SMC4: variants seen among roughly 807,000 people sequenced by gnomAD.
SMC4 encodes the protein structural maintenance of chromosomes 4.
In SMC4, 87 loss-of-function variants were observed where a neutral mutation model predicts 145.6. That is an observed-to-expected ratio of 0.60 (90% CI 0.50 to 0.71). The LOEUF (loss-of-function observed/expected upper bound fraction) is 0.71. Among genes scored for constraint, SMC4 ranks in the 30% least tolerant of loss-of-function variants. SMC4 has a pLI of 0.00. For synonymous variants in SMC4, 558 were observed against 500.7 expected, an observed-to-expected ratio of 1.11 and a Z score of -1.53; for missense variants, 1,447 against 1,537.1, an observed-to-expected ratio of 0.94 and a Z score of 0.98.
intron 1 of SMC4, chr3:160,400,566 C>T (rs1714458723): frequency 2.3e-6 from 1 of 439,646 alleles, no homozygotes; most frequent in South Asian, 4.0e-5. Flanking sequence ...CAACAACAAA[C>T]TAAGCAGTTG....
intron 17 of SMC4, among the ~76,000 whole-genome samples, chr3:160,428,511 A>G (rs529724424): frequency 3.0e-4 from 46 of 152,334 alleles, no homozygotes; most frequent in African/African-American, 1.1e-3. Flanking sequence ...AGCTGAGAAC[A>G]TGAAGCCATT....
At chr3:160,423,894 C>T in intron 15 of SMC4, 54 bp downstream of exon 15, 2 of 1,458,124 alleles carry the variant, frequency 1.4e-6, no homozygotes, top group Admixed American at 2.0e-5. Flanking sequence ...AATAGCTTTA[C>T]CGAGGTATAT....
intron 11 of SMC4, 48 bp downstream of exon 11, chr3:160,418,004 A>G: frequency 6.8e-7 from 1 of 1,469,292 alleles, no homozygotes; most frequent in South Asian, 1.2e-5. Flanking sequence ...CGTCCACTTC[A>G]GCTTTATACA....
In SMC4 at chr3:160,399,657, A is replaced by C; in HGVS notation, c.-98A>C. ...GTTTGTATTTTAGGCGCCATTTTCG[A>C]GTGAAGGACCCGGAGCCGAAACACC... is the stretch of plus-strand genomic sequence containing the variant. On this transcript the variant is annotated 5_prime_UTR_variant, in exon 1 of 24. Coordinates refer to ENST00000357388, the MANE Select transcript of SMC4 (RefSeq NM_001002800.3). 6.6e-6 allele frequency: 1 copy of C among 152,606 alleles called. No homozygotes were observed. Among genetic ancestry groups the C allele is most frequent in the East Asian group, 1.9e-4 (1 of 5,188 alleles). 9.5% of individuals were successfully genotyped at this position (152,606 alleles called of 1,614,324 possible).
chr3:160,420,374 T>C (rs1183629214), intron 12 of SMC4, among the ~76,000 whole-genome samples: 13 of 152,228 alleles, frequency 8.5e-5, no homozygotes, highest in Admixed American at 8.5e-4. Flanking sequence ...CCCAAACCAG[T>C]GAATACTGCT....
In SMC4 at chr3:160,420,653, A is replaced by G. The variant is rs923888118; in HGVS notation, c.1858-87A>G. On this transcript the variant is annotated intron_variant, in intron 12 of 23. Coordinates refer to ENST00000357388, the MANE Select transcript of SMC4 (RefSeq NM_001002800.3). ...AACCATGTCTACATAAAGTTTTTCA[A>G]TTAAAAGAAGTTTTTAAAACTTGAT... The G allele has an allele frequency of 4.9e-6, 7 of 1,425,640 alleles. No homozygotes were observed. In the African/African-American group the frequency reaches 5.8e-5, roughly 12 times the overall value. The allele number at this position is 1,425,640 out of a possible 1,614,324, so 88.3% of individuals were successfully genotyped here.
chr3:160,426,408 C>T (rs886224906), intron 17 of SMC4, among the ~76,000 whole-genome samples: 3 of 152,078 alleles, frequency 2.0e-5, no homozygotes, highest in Non-Finnish European at 4.4e-5. Context: ...TCACACAGCA[C>T]GTGGTGGTAT....
At chr3:160,418,675 A>T (rs926787688) in intron 11 of SMC4, among the ~76,000 whole-genome samples, 6 of 152,212 alleles carry the variant, frequency 3.9e-5, no homozygotes, top group Admixed American at 6.5e-5. Flanking sequence ...TTCTTTTGGG[A>T]TGAATTATGT....
intron 13 of SMC4, among the ~76,000 whole-genome samples, chr3:160,422,387 A>G (rs996122626): frequency 6.6e-6 from 1 of 152,166 alleles, no homozygotes; most frequent in Non-Finnish European, 1.5e-5. Context: ...GATTATAGTC[A>G]TCTTAGTGAA....
At chr3:160,428,300 C>T (rs1017413257) in intron 17 of SMC4, among the ~76,000 whole-genome samples, 3 of 152,186 alleles carry the variant, frequency 2.0e-5, no homozygotes, top group South Asian at 4.2e-4. Context: ...GGAAGGAACG[C>T]TAATTCATCT....
intron 17 of SMC4, among the ~76,000 whole-genome samples, chr3:160,427,202 T>G (rs1315699695): frequency 3.3e-5 from 5 of 152,164 alleles, no homozygotes; most frequent in African/African-American, 1.2e-4. Flanking sequence ...GATAGAGCAG[T>G]AAACAAAAAT....
In SMC4 at chr3:160,433,837, A is replaced by C. The variant is rs756376849; in HGVS notation, c.*28A>C. On this transcript the variant is annotated 3_prime_UTR_variant, in exon 24 of 24. Coordinates refer to ENST00000357388, the MANE Select transcript of SMC4 (RefSeq NM_001002800.3). ...TTTATGCTGAAGATTCTTCAAGTTG[A>C]TTCAGTGTATTACTGATTTTTTTCT... 6.4e-7 allele frequency: 1 copy of C among 1,558,802 alleles called. No homozygotes were observed. The highest frequency in any genetic ancestry group is 1.8e-5 in the Admixed American group (1 of 55,018).
Position 160,416,248 on chromosome 3 carries a change from C to G in SMC4, c.1273-3C>G. On this transcript the variant is annotated splice_polypyrimidine_tract_variant and splice_region_variant and intron_variant, in intron 9 of 23. Coordinates refer to ENST00000357388, the MANE Select transcript of SMC4 (RefSeq NM_001002800.3). ...GCTCCTATAACTTGTTTTATAATCTCAGGTTGAAGAATTTAAAAGTATACC... is the reference window on the plus strand; with the variant it reads ...GCTCCTATAACTTGTTTTATAATCTGAGGTTGAAGAATTTAAAAGTATACC... 3 of 1,571,686 alleles carry G rather than the reference C, an allele frequency of 1.9e-6. No individual in the cohort carries two copies. Among genetic ancestry groups the G allele is most frequent in the Non-Finnish European group, 2.6e-6 (3 of 1,161,738 alleles).
At chr3:160,415,241 C>CT (rs1398702269) in intron 9 of SMC4, among the ~76,000 whole-genome samples, 5 of 152,210 alleles carry the variant, frequency 3.3e-5, no homozygotes, top group Admixed American at 3.3e-4. Flanking sequence ...CTCAGTGGAA[C>CT]TTGCCTAAAA....
Position 160,402,791 on chromosome 3 carries a change from T to C in SMC4, c.434T>C (p.Leu145Ser). The C allele has an allele frequency of 1.9e-6, 3 of 1,610,470 alleles. No individual in the cohort carries two copies. Among genetic ancestry groups the C allele is most frequent in the South Asian group, 1.1e-5 (1 of 90,366 alleles). ...QKIRSKKLSV[L>S]IHNSDEHKDI... ...ATAAGATCTAAAAAACTCTCAGTAT[T>C]AATACATAATTCTGATGAACACAAG... Residue 145 changes from leucine (L) to serine (S), a missense_variant, in exon 4 of 24, where the codon TTA (leucine) becomes TCA (serine). By Grantham distance (145) the Leu-to-Ser change is moderately radical (BLOSUM62 -2). Coordinates refer to ENST00000357388, the MANE Select transcript of SMC4 (RefSeq NM_001002800.3).
intron 18 of SMC4, among the ~76,000 whole-genome samples, chr3:160,429,722 TTTTTTTTTC>T (rs1279550929): frequency 6.7e-6 from 1 of 149,622 alleles, no homozygotes; most frequent in Admixed American, 6.6e-5. Flanking sequence ...TTTTTTTTTT[TTTTTTTTTC>T]TTTTTGAGAC....
chr3:160,431,344 TCTAAGGTTTATA>T, intron 20 of SMC4, 139 bp downstream of exon 20: 1 of 726,852 alleles, frequency 1.4e-6, no homozygotes, highest in South Asian at 2.1e-5. Context: ...TGTGATCACT[TCTAAGGTTTATA>T]GGGGACATAA....
chr3:160,423,592 T>C lies in SMC4; in HGVS notation c.2187T>C (p.Tyr729=). 1.2e-6 allele frequency: 2 copies of C among 1,613,732 alleles called. No homozygotes were observed. Among genetic ancestry groups the C allele is most frequent in the Non-Finnish European group, 8.5e-7 (1 of 1,179,770 alleles). Residue 729 remains tyrosine, a synonymous_variant, in exon 14 of 24, where the codon TAT becomes TAC. Transcript: ENST00000357388. ...DNLDQATRVA[Y]QKDRRWRVVT... Reference sequence around the variant, plus strand: ...TGGATCAAGCCACAAGAGTAGCATATCAAAAAGATAGAAGATGGAGAGTGG... The same window carrying C: ...TGGATCAAGCCACAAGAGTAGCATACCAAAAAGATAGAAGATGGAGAGTGG...
chr3:160,427,941 GCACA>G (rs766397015), intron 17 of SMC4, among the ~76,000 whole-genome samples: 2 of 149,916 alleles, frequency 1.3e-5, no homozygotes, highest in East Asian at 1.9e-4. Flanking sequence ...ACACACGCAC[GCACA>G]CACACAAACA....
Sources: gnomAD v4.1 joint callset for allele counts (sites outside exome capture counted in the v4.1 genomes callset) on GRCh38, gnomAD v4.1.1 for gene constraint, MANE v1.5 for transcripts, NCBI Gene and HGNC (gene_info 2026-07-23, HGNC 2026-07-21) for gene names.